Variants in PRTG observed in about 807,000 individuals in gnomAD.
PRTG encodes the protein protogenin.
A neutral mutation model predicts 122.5 loss-of-function variants in PRTG; 67 were observed. The ratio of observed to expected loss-of-function variants is 0.55; its 90% confidence interval spans 0.45 to 0.67. PRTG has a LOEUF of 0.67. PRTG is among the 30% of genes least tolerant of loss of function. PRTG has a pLI of 0.00. For missense variants in PRTG, 1,435 were observed against 1,415.4 expected, an observed-to-expected ratio of 1.01 and a Z score of -0.22; for synonymous variants, 554 against 501.1, an observed-to-expected ratio of 1.11 and a Z score of -1.41.
chr15:55,729,460 C>T (rs2031153853), intron 2 of PRTG, among the ~76,000 whole-genome samples: 1 of 152,092 alleles, frequency 6.6e-6, no homozygotes, highest in African/African-American at 2.4e-5. Context: ...ACAAAACCCA[C>T]TGAACTCTAT....
chr15:55,740,817 A>C, intron 1 of PRTG, 133 bp from the exon 2 acceptor site: 3 of 755,378 alleles, frequency 4.0e-6, no homozygotes, highest in East Asian at 2.7e-5. Context: ...TTAACTTACA[A>C]ACACCTTAAT....
chr15:55,679,211 T>C (rs561158538), intron 7 of PRTG, 75 bp downstream of exon 7: 2 of 933,566 alleles, frequency 2.1e-6, no homozygotes, highest in East Asian at 2.6e-5. Context: ...TTTGATATTA[T>C]TATAACCATT....
chr15:55,620,716 A>T lies in PRTG; in HGVS notation c.3145T>A (p.Ser1049Thr), dbSNP rs565884083. The change falls in exon 19 of 20, where the codon TCT becomes ACT. Residue 1049 changes from serine (S) to threonine (T), a missense_variant. Physicochemically the swap from Ser to Thr is moderately conservative, Grantham distance 58. Coordinates refer to ENST00000389286, the MANE Select transcript of PRTG (RefSeq NM_173814.6). ...TGGAAAAAAAACCACTTTTTCTTAG[A>T]GTTGTTTTTAATTATAGGACCATAG... ...NSYGPIIKNNSKKKWFFFQDS... is the reference protein window; with the variant it reads ...NSYGPIIKNNTKKKWFFFQDS... 2.4e-5 allele frequency: 38 copies of T among 1,602,708 alleles called. 1 individual carries two copies. In the South Asian group the frequency reaches 4.2e-4, roughly 18 times the overall value.
chr15:55,742,676 T>G, intron 1 of PRTG, 162 bp downstream of exon 1: 1 of 830,248 alleles, frequency 1.2e-6, no homozygotes, highest in Non-Finnish European at 1.9e-6. Flanking sequence ...CAGCTGGCGG[T>G]TCCGGACAGG....
intron 6 of PRTG, 109 bp from the exon 7 acceptor site, chr15:55,679,554 G>C: frequency 1.3e-6 from 1 of 765,030 alleles, no homozygotes; most frequent in Non-Finnish European, 2.1e-6. Context: ...GAAGATGCCT[G>C]ACATGCTGAG....
rs142851076 is a variant in PRTG, at chr15:55,646,554, C to G, written c.2042-5346G>C. Among the ~76,000 whole-genome samples, 705 of 152,190 alleles carry G rather than the reference C, an allele frequency of 4.6e-3. 4 individuals are homozygous for G. The highest frequency in any genetic ancestry group is 0.016 in the African/African-American group (659 of 41,540). On this transcript the variant is annotated intron_variant, in intron 11 of 19. Coordinates refer to ENST00000389286, the MANE Select transcript of PRTG (RefSeq NM_173814.6). Reference sequence around the variant, plus strand: ...AACAAGGATGGTCTCGATCTCCTGACCTCGTGATCCACCCGCCTCGTCCTC... The same window carrying G: ...AACAAGGATGGTCTCGATCTCCTGAGCTCGTGATCCACCCGCCTCGTCCTC...
At chr15:55,684,824 A>C (rs2059561509) in intron 2 of PRTG, among the ~76,000 whole-genome samples, 1 of 152,200 alleles carries the variant, frequency 6.6e-6, no homozygotes, top group Non-Finnish European at 1.5e-5. Flanking sequence ...ATGAGAAAGG[A>C]AAGAGAGAAG....
At chr15:55,635,384 C>G (rs539821098) in intron 15 of PRTG, among the ~76,000 whole-genome samples, 1 of 152,306 alleles carries the variant, frequency 6.6e-6, no homozygotes, top group East Asian at 1.9e-4. Context: ...GCCACTGCGC[C>G]CAGCCTCTGT....
intron 13 of PRTG, among the ~76,000 whole-genome samples, chr15:55,639,135 C>T (rs969109841): frequency 5.3e-5 from 8 of 152,114 alleles, no homozygotes; most frequent in Non-Finnish European, 1.2e-4. Flanking sequence ...CTATACCTGG[C>T]TGATATAAAA....
intron 2 of PRTG, among the ~76,000 whole-genome samples, chr15:55,707,308 T>TG (rs769577869): frequency 6.6e-6 from 1 of 152,222 alleles, no homozygotes; most frequent in Non-Finnish European, 1.5e-5. Context: ...GACAAAATCA[T>TG]GTCTAAACTA....
chr15:55,620,842 T>G, intron 18 of PRTG, 75 bp from the exon 19 acceptor site: 1 of 1,244,542 alleles, frequency 8.0e-7, no homozygotes. Context: ...TAGTGCATAC[T>G]TTAACTTTTA....
chr15:55,625,980 TGGCCTCAA>T (rs892823508), intron 17 of PRTG, among the ~76,000 whole-genome samples: 15 of 152,140 alleles, frequency 9.9e-5, no homozygotes, highest in African/African-American at 3.6e-4. Flanking sequence ...CTGAAACTCC[TGGCCTCAA>T]GGGATCCTCC....
intron 11 of PRTG, among the ~76,000 whole-genome samples, chr15:55,642,554 T>C (rs998732026): frequency 2.2e-5 from 3 of 137,944 alleles, no homozygotes; most frequent in African/African-American, 8.3e-5. Context: ...GCCAATATTG[T>C]ACCACTGCAC....
chr15:55,630,323 A>G (rs1042458799), intron 15 of PRTG, among the ~76,000 whole-genome samples: 1 of 151,762 alleles, frequency 6.6e-6, no homozygotes, highest in African/African-American at 2.4e-5. Flanking sequence ...GGATTTCACC[A>G]TGTTGGCCAG....
chr15:55,639,122 C>A (rs1488395865), intron 13 of PRTG, among the ~76,000 whole-genome samples: 1 of 152,094 alleles, frequency 6.6e-6, no homozygotes, highest in Non-Finnish European at 1.5e-5. Flanking sequence ...CAGGCATGCA[C>A]CACTATACCT....
In PRTG at chr15:55,683,801, A is replaced by T. The variant is rs368166009; in HGVS notation, c.528T>A (p.Pro176=). 6.9e-5 allele frequency: 111 copies of T among 1,613,664 alleles called. No homozygotes were observed. Among genetic ancestry groups the T allele is most frequent in the Non-Finnish European group, 8.3e-5 (98 of 1,179,818 alleles). ...ITWEFNRTTL[P]MTMDRITALP... ...TCTACATCTACCTGTCCATAGTCAT[A>T]GGTAGAGTTGTCCGATTGAACTCCC... Residue 176 remains proline (P), a synonymous_variant, in exon 3 of 20, where the codon CCT becomes CCA. Coordinates refer to ENST00000389286, the MANE Select transcript of PRTG (RefSeq NM_173814.6).
intron 17 of PRTG, among the ~76,000 whole-genome samples, chr15:55,625,177 C>A (rs1171090383): frequency 6.6e-6 from 1 of 151,682 alleles, no homozygotes; most frequent in Non-Finnish European, 1.5e-5. Flanking sequence ...GAAAACAAAA[C>A]CCAAAATATA....
intron 2 of PRTG, among the ~76,000 whole-genome samples, chr15:55,722,746 C>A (rs1237783429): frequency 6.7e-6 from 1 of 149,010 alleles, no homozygotes; most frequent in Non-Finnish European, 1.5e-5. Flanking sequence ...ACAGAAATGC[C>A]ACACAGAACA....
intron 14 of PRTG, among the ~76,000 whole-genome samples, chr15:55,638,260 A>G (rs755419533): frequency 6.6e-6 from 1 of 152,170 alleles, no homozygotes; most frequent in Non-Finnish European, 1.5e-5. Flanking sequence ...GCCATTTAAA[A>G]TTTTTTGGCT....
Sources: allele counts gnomAD v4.1 joint callset (sites outside exome capture counted in the v4.1 genomes callset), GRCh38; gene constraint gnomAD v4.1.1; transcripts MANE v1.5; gene names NCBI Gene and HGNC (gene_info 2026-07-23, HGNC 2026-07-21).